The following VCPIP1 variants were observed in gnomAD, a reference collection of about 807,000 sequenced individuals.
The protein encoded by VCPIP1 is deubiquitinating protein VCPIP1.
In VCPIP1, 8 loss-of-function variants were observed where a neutral mutation model predicts 85.0. The ratio of observed to expected loss-of-function variants is 0.09; its 90% CI spans 0.06 to 0.17. The LOEUF is 0.17. Among genes scored for constraint, VCPIP1 ranks in the 10% least tolerant of loss-of-function variants. The pLI, the probability that VCPIP1 is intolerant of heterozygous loss-of-function variation, is 1.00. For missense variants in VCPIP1, 1,070 were observed against 1,486.3 expected (o/e 0.72, Z 4.61); for synonymous variants, 543 against 544.5 (o/e 1.00, Z 0.04).
chr8:66,631,868 C>T lies in VCPIP1; in HGVS notation c.*2633G>A, dbSNP rs1554583727. The T allele has an allele frequency of 6.6e-6, 1 of 152,406 alleles. No homozygotes were observed. The highest frequency in any genetic ancestry group is 2.4e-5 in the African/African-American group (1 of 41,414). 9.4% of individuals were successfully genotyped at this position (152,406 alleles called of 1,614,324 possible). The stretch of plus-strand genomic sequence containing the variant: ...GCATCTTGTTTTCTTCAATTTACAA[C>T]AATTTCTCATTACCAGTATTCTAGA... On this transcript the variant is annotated 3_prime_UTR_variant, in exon 3 of 3. Transcript: ENST00000310421.
intron 2 of VCPIP1, among the ~76,000 whole-genome samples, chr8:66,639,226 C>G (rs1810923125): frequency 1.3e-5 from 2 of 151,082 alleles, no homozygotes; most frequent in Admixed American, 6.6e-5. Flanking sequence ...CTCAAGCCAT[C>G]TGTCCGCCTT....
chr8:66,649,066 A>C (rs1268379621), intron 2 of VCPIP1, among the ~76,000 whole-genome samples: 4 of 151,848 alleles, frequency 2.6e-5, no homozygotes, highest in Non-Finnish European at 5.9e-5. Context: ...AGTAGGGTGA[A>C]GGATGAGGAT....
intron 1 of VCPIP1, among the ~76,000 whole-genome samples, chr8:66,662,111 C>T (rs1193822925): frequency 6.6e-6 from 1 of 151,908 alleles, no homozygotes; most frequent in Non-Finnish European, 1.5e-5. Flanking sequence ...TGCCCATGTC[C>T]GTTTATTAGT....
chr8:66,643,835 T>C (rs1034264839), intron 2 of VCPIP1, among the ~76,000 whole-genome samples: 1 of 137,106 alleles, frequency 7.3e-6, no homozygotes, highest in Non-Finnish European at 1.6e-5. Context: ...AAAAAAACCC[T>C]ATGAATCCAA....
chr8:66,652,363 C>T (rs1811062293), intron 1 of VCPIP1, among the ~76,000 whole-genome samples: 1 of 152,170 alleles, frequency 6.6e-6, no homozygotes, highest in African/African-American at 2.4e-5. Context: ...CCTGTAATCC[C>T]AGCACTTTGG....
chr8:66,646,668 C>T (rs1275138822), intron 2 of VCPIP1, among the ~76,000 whole-genome samples: 2 of 152,002 alleles, frequency 1.3e-5, no homozygotes, highest in Admixed American at 1.3e-4. Flanking sequence ...TGGTGGTGTA[C>T]GCCTGTAATC....
At position 66,655,248 on chromosome 8, in the gene VCPIP1, A is replaced by G. The variant is rs116185237; in HGVS notation, c.2711-3704T>C. 7.8e-3 allele frequency among the ~76,000 whole-genome samples: 1,186 copies of G among 152,370 alleles called. 13 individuals are homozygous for G. Among genetic ancestry groups the G allele is most frequent in the African/African-American group, 0.027 (1,121 of 41,588 alleles). ...ACTTTTTACCCCCAGGGCCTCGCAC[A>G]GTGCTGAACAGATGGCAACACTCAT... On this transcript the variant is annotated intron_variant, in intron 1 of 2. Coordinates refer to ENST00000310421, the MANE Select transcript of VCPIP1 (RefSeq NM_025054.5).
intron 1 of VCPIP1, among the ~76,000 whole-genome samples, chr8:66,655,476 T>C (rs1811090910): frequency 6.6e-6 from 1 of 152,238 alleles, no homozygotes; most frequent in Admixed American, 6.5e-5. Context: ...ATAACTGTAT[T>C]ATCTACCTTA....
In VCPIP1 at chr8:66,664,532, G is replaced by A. The variant is rs751729692; in HGVS notation, c.2427C>T (p.Asn809=). ...GAATACACTGTAAATATGGAGGAAT[G>A]TTGAATTCTCTGGCTATACTTTCCT... is the stretch of plus-strand genomic sequence containing the variant. ...ELQESIAREF[N]IPPYLQCIRY... The change falls in exon 1 of 3, where the codon AAC becomes AAT. Residue 809 remains asparagine, a synonymous_variant. Transcript: ENST00000310421. 8.1e-6 allele frequency: 13 copies of A among 1,614,066 alleles called. No individual in the cohort carries two copies. In the East Asian group the frequency reaches 2.7e-4, roughly 33 times the overall value.
rs141419416 is a variant in VCPIP1, at chr8:66,645,287, G to A, written c.2797+6171C>T. Among the ~76,000 whole-genome samples, 487 of 151,956 alleles carry A rather than the reference G, an allele frequency of 3.2e-3. 3 individuals are homozygous for A. Among genetic ancestry groups the A allele is most frequent in the African/African-American group, 0.011 (470 of 41,448 alleles). On this transcript the variant is annotated intron_variant, in intron 2 of 2. Coordinates refer to ENST00000310421, the MANE Select transcript of VCPIP1 (RefSeq NM_025054.5). ...AAAAAAATTAGCTGGGCATTGTTGC[G>A]TGCACCTGTAGTCTCAGCTACTCGG...
Position 66,664,663 on chromosome 8 carries a change from G to A in VCPIP1, c.2296C>T (p.Pro766Ser), listed in dbSNP as rs776486393. 20 of 1,613,470 alleles carry A rather than the reference G, an allele frequency of 1.2e-5. No individual in the cohort carries two copies. The Admixed American group carries it at 3.0e-4, about 24-fold the overall frequency. The change falls in exon 1 of 3, where the codon CCC becomes TCC. Residue 766 changes from proline (P) to serine (S), a missense_variant. Around this residue, in one of 8 missense-constraint regions of VCPIP1, gnomAD observed 278 missense variants for 298.5 expected, o/e 0.93. Coordinates refer to ENST00000310421, the MANE Select transcript of VCPIP1 (RefSeq NM_025054.5). ...TCCTTAGAAGTTGTCGGTGAATAGG[G>A]AGCCTTGGTAGGTGTAGCAGGTGCA... ...SSAPATPTKA[P>S]YSPTTSKEKK...
chr8:66,651,473 T>C lies in VCPIP1; in HGVS notation c.2782A>G (p.Met928Val), dbSNP rs1247629426. ...TTAACTATACCCATGGTTTTCTTCA[T>C]AATACTGTAGAATACACCACCCTGC... ...FQQGGVFYSIMKKTMGMADGK... is the reference protein window; with the variant it reads ...FQQGGVFYSIVKKTMGMADGK... Residue 928 changes from methionine to valine, a missense_variant, in exon 2 of 3, where the codon ATG becomes GTG. Physicochemically the swap from Met to Val is conservative, Grantham distance 21. This residue lies in a region of VCPIP1 where 46 missense variants were observed against 95.2 expected (regional missense o/e 0.48). Transcript: ENST00000310421. The C allele has an allele frequency of 6.2e-7, 1 of 1,611,256 alleles. No homozygotes were observed. The highest frequency in any genetic ancestry group is 2.2e-5 in the East Asian group (1 of 44,824).
At position 66,651,540 on chromosome 8, in the gene VCPIP1, T is replaced by C. The variant is rs779188289; in HGVS notation, c.2715A>G (p.Glu905=). 1 of 1,612,794 alleles carries C rather than the reference T, an allele frequency of 6.2e-7. No individual in the cohort carries two copies. Among genetic ancestry groups the C allele is most frequent in the Non-Finnish European group, 8.5e-7 (1 of 1,179,578 alleles). Residue 905 remains glutamate, a synonymous_variant, in exon 2 of 3, where the codon GAA becomes GAG. Coordinates refer to ENST00000310421, the MANE Select transcript of VCPIP1 (RefSeq NM_025054.5). ...SLCLLATLMG[E]DVWSYAKGLP... The stretch of plus-strand genomic sequence containing the variant: ...GTCCCTTTGCATAAGACCATACATC[T>C]TCTCCTGTAAGACAAAAACAGATAT...
Position 66,666,637 on chromosome 8 carries a change from C to T in VCPIP1, c.322G>A (p.Gly108Arg). ...AGTTCCGTGTTCTTCTTGGGTGCCC[C>T]CGTAACCCCGAGCAGCGCGTTCCGC... ...LLRNALLGVT[G>R]APKKNTELVK... Residue 108 changes from glycine (G) to arginine (R), a missense_variant, in exon 1 of 3, where the codon GGG becomes AGG. Coordinates refer to ENST00000310421, the MANE Select transcript of VCPIP1 (RefSeq NM_025054.5). The surrounding 1 kb of genome is among the most constrained non-coding windows in gnomAD (Gnocchi z 6.3). 1 of 1,614,168 alleles carries T rather than the reference C, an allele frequency of 6.2e-7. No individual in the cohort carries two copies. Among genetic ancestry groups the T allele is most frequent in the Non-Finnish European group, 8.5e-7 (1 of 1,180,044 alleles).
chr8:66,664,112 T>C, intron 1 of VCPIP1, 137 bp downstream of exon 1: 2 of 1,172,900 alleles, frequency 1.7e-6, no homozygotes, highest in Non-Finnish European at 2.3e-6. Context: ...TTCAAAATAC[T>C]AAAAATAATT....
At chr8:66,637,278 A>G (rs548318479) in intron 2 of VCPIP1, among the ~76,000 whole-genome samples, 3 of 151,982 alleles carry the variant, frequency 2.0e-5, no homozygotes, top group Non-Finnish European at 4.4e-5. Flanking sequence ...TGAGCTCTGG[A>G]GTTTTAGGCT....
chr8:66,635,261 G>A lies in VCPIP1; in HGVS notation c.2909C>T (p.Pro970Leu). The A allele has an allele frequency of 6.2e-7, 1 of 1,614,132 alleles. No individual in the cohort carries two copies. The highest frequency in any genetic ancestry group is 8.5e-7 in the Non-Finnish European group (1 of 1,180,028). ...TAAATCTTCAACATCAGGACCAATG[G>A]GGAAATGTCCTGCAGCATCCACACA... ...ELCVDAAGHF[P>L]IGPDVEDLVK... The change falls in exon 3 of 3, where the codon CCC becomes CTC. Residue 970 changes from proline to leucine, a missense_variant. Physicochemically the swap from Pro to Leu is moderately conservative, Grantham distance 98. Coordinates refer to ENST00000310421, the MANE Select transcript of VCPIP1 (RefSeq NM_025054.5).
Position 66,665,183 on chromosome 8 carries a change from G to A in VCPIP1, c.1776C>T (p.Phe592=), listed in dbSNP as rs762143236. 8 of 1,612,678 alleles carry A rather than the reference G, an allele frequency of 5.0e-6. No homozygotes were observed. In the African/African-American group the frequency reaches 5.3e-5, roughly 11 times the overall value. The change falls in exon 1 of 3, where the codon TTC becomes TTT. Residue 592 remains phenylalanine (F), a synonymous_variant. Transcript: ENST00000310421. This position sits in a 1 kb window ranked among gnomAD's most constrained non-coding sequence, Gnocchi z 4.3. ...TTCCACCCCATTCTAAAGTAATAGG[G>A]AAAGCTTCTGGTAGATTGTCATACT... ...GKEYDNLPEA[F]PITLEWGGRV...
chr8:66,660,263 G>A (rs1811142480), intron 1 of VCPIP1, among the ~76,000 whole-genome samples: 1 of 152,198 alleles, frequency 6.6e-6, no homozygotes, highest in Non-Finnish European at 1.5e-5. Flanking sequence ...CCTGAACTAG[G>A]AAATAAGGTA....
Sources: gnomAD v4.1 joint callset for allele counts (sites outside exome capture counted in the v4.1 genomes callset) on GRCh38, gnomAD v4.1.1 for gene constraint, gnomAD v4.1.1 regional missense constraint, Gnocchi (gnomAD v3.1) non-coding constraint, MANE v1.5 for transcripts, NCBI Gene and HGNC (gene_info 2026-07-23, HGNC 2026-07-21) for gene names.